Variants in NCKAP1 observed in about 807,000 individuals in gnomAD.
NCKAP1 encodes NCK associated protein 1, also known as nck-associated protein 1.
NCKAP1 carries 21 observed loss-of-function variants against 151.2 expected under a neutral mutation model. The observed-to-expected ratio is 0.14, with a 90% CI of 0.10 to 0.20. The LOEUF (loss-of-function observed/expected upper bound fraction) is 0.20, where lower values mean the gene tolerates loss of function less well. Ranked by LOEUF, NCKAP1 falls within the 10% of genes least tolerant of loss-of-function variation. The pLI, the probability that NCKAP1 is intolerant of heterozygous loss-of-function variation, is 1.00. For missense variants in NCKAP1, 933 were observed against 1,352.1 expected (o/e 0.69, Z 4.86); for synonymous variants, 484 against 451.8 (o/e 1.07, Z -0.90).
intron 29 of NCKAP1, chr2:182,927,162 A>G (rs750140104): frequency 3.1e-6 from 1 of 325,194 alleles, no homozygotes; most frequent in Non-Finnish European, 5.5e-6. Flanking sequence ...TTTTCAGAAC[A>G]AGTCTGCTTT....
chr2:182,940,435 C>T (rs574474904), intron 24 of NCKAP1, among the ~76,000 whole-genome samples: 61 of 151,896 alleles, frequency 4.0e-4, no homozygotes, highest in African/African-American at 1.4e-3. Flanking sequence ...TTTTGGTATA[C>T]AGCTCCATTT....
rs1293497738 is a variant in NCKAP1, at chr2:182,925,801, T to C, written c.3288A>G (p.Pro1096=). 6.4e-7 allele frequency: 1 copy of C among 1,569,466 alleles called. No individual in the cohort carries two copies. Among genetic ancestry groups the C allele is most frequent in the Non-Finnish European group, 8.6e-7 (1 of 1,158,204 alleles). The change falls in exon 31 of 31, where the codon CCA becomes CCG. Residue 1096 remains proline, a synonymous_variant. Transcript: ENST00000361354. ...ATTCCAAAAGATCCATTGTAAGGAA[T>C]GGAGATTCTTGTACAATCTGTAAAA... ...LLLDMIVQES[P]FLTMDLLESC... is the part of the protein sequence containing the mutation.
At chr2:183,008,471 C>T (rs1409460509) in intron 2 of NCKAP1, among the ~76,000 whole-genome samples, 2 of 152,174 alleles carry the variant, frequency 1.3e-5, no homozygotes, top group Non-Finnish European at 2.9e-5. Context: ...AAGCCCTTGT[C>T]TATCTCTAAG....
intron 6 of NCKAP1, among the ~76,000 whole-genome samples, chr2:183,000,804 GCA>G (rs1698360831): frequency 6.6e-6 from 1 of 152,064 alleles, no homozygotes; most frequent in Non-Finnish European, 1.5e-5. Flanking sequence ...CAAGAAAAAA[GCA>G]CAGTGGCCAG....
chr2:182,938,269 C>G (rs1044912437), intron 24 of NCKAP1, among the ~76,000 whole-genome samples: 5 of 151,904 alleles, frequency 3.3e-5, no homozygotes, highest in Admixed American at 3.3e-4. Flanking sequence ...TAAAATTTTT[C>G]CAATAGTATT....
intron 1 of NCKAP1, among the ~76,000 whole-genome samples, chr2:183,033,887 T>C (rs1699052677): frequency 6.6e-6 from 1 of 152,208 alleles, no homozygotes; most frequent in African/African-American, 2.4e-5. Flanking sequence ...TTATGTTATG[T>C]TTGAGTTTTT....
At chr2:182,925,860 C>T (rs781194802) in intron 30 of NCKAP1, 42 bp from the exon 31 acceptor site, 4 of 1,129,544 alleles carry the variant, frequency 3.5e-6, no homozygotes, top group South Asian at 1.6e-5. Flanking sequence ...TTATTTATAA[C>T]TTGTTTATAA....
At position 183,038,125 on chromosome 2, in the gene NCKAP1, C is replaced by CCGG. The variant is rs1575079155; in HGVS notation, c.-29_-27dup. On this transcript the variant is annotated 5_prime_UTR_variant, in exon 1 of 31. Transcript: ENST00000361354. ...GGTGGTGCTGGTGCCGCCGCCGCCGCCGGCCGCCTCGCGCCCAGTCACGGG... is the reference window on the plus strand; with the variant it reads ...GGTGGTGCTGGTGCCGCCGCCGCCGCCGGCGGCCGCCTCGCGCCCAGTCACGGG... The CCGG allele has an allele frequency of 6.7e-7, 1 of 1,502,230 alleles. No individual in the cohort carries two copies. The allele number at this position is 1,502,230 out of a possible 1,614,324, so 93.1% of individuals were successfully genotyped here. A position where few individuals can be genotyped will look rare whatever the true frequency, so the allele number is the denominator to read the frequency against.
chr2:182,935,216 G>T, intron 25 of NCKAP1, 77 bp downstream of exon 25: 1 of 1,038,596 alleles, frequency 9.6e-7, no homozygotes, highest in Non-Finnish European at 1.4e-6. Context: ...GCATGAATCT[G>T]AAACTTAACT....
At position 182,959,837 on chromosome 2, in the gene NCKAP1, C is replaced by A. The variant is rs183697857; in HGVS notation, c.1882-2241G>T. ...GGGACATGATTGTATATCTAGAAAACCCCATTGTCTCAGCCCAAAATCTCA... is the reference window on the plus strand; with the variant it reads ...GGGACATGATTGTATATCTAGAAAAACCCATTGTCTCAGCCCAAAATCTCA... On this transcript the variant is annotated intron_variant, in intron 18 of 30. Transcript: ENST00000361354. Among the ~76,000 whole-genome samples the A allele has an allele frequency of 5.0e-3, 764 of 152,244 alleles. 10 individuals are homozygous for A. The highest frequency in any genetic ancestry group is 0.017 in the African/African-American group (724 of 41,542).
chr2:182,927,427 AAATTATTTTTTAAAAAAG>A (rs1382549731), intron 29 of NCKAP1, among the ~76,000 whole-genome samples: 2 of 152,100 alleles, frequency 1.3e-5, no homozygotes, highest in African/African-American at 4.8e-5. Context: ...TGTAATTTAA[AAATTATTTTTTAAAAAAG>A]CTGACAGGAT....
chr2:183,036,825 A>AC (rs1192935799), intron 1 of NCKAP1, among the ~76,000 whole-genome samples: 1 of 152,048 alleles, frequency 6.6e-6, no homozygotes, highest in African/African-American at 2.4e-5. Flanking sequence ...CAAAGAAAAA[A>AC]AAAAAAACCT....
chr2:182,967,533 C>A (rs1697598048), intron 15 of NCKAP1, among the ~76,000 whole-genome samples, 172 bp from the exon 16 acceptor site: 1 of 152,118 alleles, frequency 6.6e-6, no homozygotes, highest in African/African-American at 2.4e-5. Context: ...AAATTCCTAT[C>A]AAGAATTTAT....
chr2:182,950,266 C>T (rs1008686566), intron 23 of NCKAP1, among the ~76,000 whole-genome samples: 34 of 152,040 alleles, frequency 2.2e-4, no homozygotes, highest in Non-Finnish European at 5.9e-5. Context: ...ATTACCATAC[C>T]ATGATACTGT....
At chr2:182,992,413 T>A (rs1698187339) in intron 8 of NCKAP1, among the ~76,000 whole-genome samples, 1 of 152,154 alleles carries the variant, frequency 6.6e-6, no homozygotes. Flanking sequence ...TACCGGCTCA[T>A]TACACAAACT....
At chr2:183,008,052 G>A (rs1047351595) in intron 2 of NCKAP1, among the ~76,000 whole-genome samples, 2 of 151,990 alleles carry the variant, frequency 1.3e-5, no homozygotes, top group African/African-American at 2.4e-5. Flanking sequence ...TCAGCCTCCC[G>A]AGTAGCTGGG....
intron 2 of NCKAP1, among the ~76,000 whole-genome samples, chr2:183,015,873 G>A (rs1357437755): frequency 1.3e-5 from 2 of 148,826 alleles, no homozygotes; most frequent in Non-Finnish European, 3.0e-5. Flanking sequence ...CCAAGGGTGA[G>A]GATATAAAAA....
intron 21 of NCKAP1, 53 bp from the exon 22 acceptor site, chr2:182,952,976 A>G (rs749444296): frequency 7.1e-6 from 11 of 1,554,232 alleles, no homozygotes; most frequent in Non-Finnish European, 9.6e-6. Flanking sequence ...TTCAGAATGT[A>G]TCATGATATA....
In NCKAP1 at chr2:182,917,417, A is replaced by G. The variant is rs757790546; in HGVS notation, c.*8285T>C. 6.6e-6 allele frequency: 1 copy of G among 152,240 alleles called. No homozygotes were observed. Among genetic ancestry groups the G allele is most frequent in the Non-Finnish European group, 1.5e-5 (1 of 68,042 alleles). 9.4% of individuals were successfully genotyped at this position (152,240 alleles called of 1,614,324 possible). The stretch of plus-strand genomic sequence containing the variant: ...GAACACTATATGAGCACATCGCCAC[A>G]TATGTTAATTTGGTTAAATTACCTA... On this transcript the variant is annotated 3_prime_UTR_variant, in exon 31 of 31. Coordinates refer to ENST00000361354, the MANE Select transcript of NCKAP1 (RefSeq NM_013436.5).
Sources: gnomAD v4.1 joint callset for allele counts (sites outside exome capture counted in the v4.1 genomes callset) on GRCh38, gnomAD v4.1.1 for gene constraint, MANE v1.5 for transcripts, NCBI Gene and HGNC (gene_info 2026-07-23, HGNC 2026-07-21) for gene names.